Variants in GPR107 observed in about 807,000 individuals in gnomAD.
The protein encoded by GPR107 is protein GPR107.
Under a neutral mutation model 75.5 loss-of-function variants are expected in GPR107, and 31 were observed. That is an observed-to-expected ratio of 0.41 (90% CI 0.31 to 0.55). GPR107 has a LOEUF of 0.55. Ranked by LOEUF, GPR107 falls within the 20% of genes least tolerant of loss-of-function variation. The pLI, the probability that GPR107 is intolerant of heterozygous loss-of-function variation, is 0.26. For synonymous variants in GPR107, 267 were observed against 251.3 expected (o/e 1.06, Z -0.59); for missense variants, 572 against 665.7 (o/e 0.86, Z 1.55).
intron 17 of GPR107, among the ~76,000 whole-genome samples, chr9:130,131,875 C>T (rs1435592633): frequency 6.6e-6 from 1 of 152,152 alleles, no homozygotes; most frequent in Non-Finnish European, 1.5e-5. Flanking sequence ...CTCTCCCCTT[C>T]CTGTCCATCC....
intron 14 of GPR107, among the ~76,000 whole-genome samples, chr9:130,108,248 C>T (rs753152258): frequency 5.9e-5 from 9 of 152,194 alleles, no homozygotes; most frequent in Non-Finnish European, 1.0e-4. Context: ...TCCATGGTAT[C>T]GTACACCCAG....
chr9:130,069,839 C>T (rs1016267106), intron 1 of GPR107, among the ~76,000 whole-genome samples: 2 of 152,012 alleles, frequency 1.3e-5, no homozygotes, highest in Admixed American at 1.3e-4. Flanking sequence ...GCATGCACCA[C>T]CACACCCGGC....
chr9:130,119,393 CACTA>C (rs1171166351), intron 14 of GPR107, among the ~76,000 whole-genome samples: 4 of 152,200 alleles, frequency 2.6e-5, no homozygotes, highest in African/African-American at 9.6e-5. Flanking sequence ...TCCTATATGA[CACTA>C]ACACTGTCAT....
chr9:130,056,916 C>T, intron 1 of GPR107, among the ~76,000 whole-genome samples: 1 of 91,798 alleles, frequency 1.1e-5, no homozygotes, highest in African/African-American at 5.4e-5. Context: ...CAGAGCGAGA[C>T]TCCTTCTCAA....
chr9:130,081,679 A>C (rs1315231755), intron 5 of GPR107, among the ~76,000 whole-genome samples: 3 of 151,336 alleles, frequency 2.0e-5, no homozygotes, highest in South Asian at 2.1e-4. Flanking sequence ...CTCAAAAAAA[A>C]AAAAACAAAA....
Position 130,136,681 on chromosome 9 carries a change from G to A in GPR107, c.*1560G>A, listed in dbSNP as rs1554900023. 6.6e-6 allele frequency: 1 copy of A among 152,240 alleles called. No individual in the cohort carries two copies. The highest frequency in any genetic ancestry group is 1.5e-5 in the Non-Finnish European group (1 of 68,050). 9.4% of individuals were successfully genotyped at this position (152,240 alleles called of 1,614,324 possible). On this transcript the variant is annotated 3_prime_UTR_variant, in exon 18 of 18. Coordinates refer to ENST00000347136, the MANE Select transcript of GPR107 (RefSeq NM_020960.5). ...CATTCAGAACATGGTTGTTCTCCCT[G>A]TCCCATGCTATCTTATCTTCCTAAA...
chr9:130,108,463 T>C (rs1451495335), intron 14 of GPR107, among the ~76,000 whole-genome samples: 3 of 152,270 alleles, frequency 2.0e-5, no homozygotes, highest in African/African-American at 7.2e-5. Context: ...TAAGTTAAAT[T>C]AAACATGACT....
At chr9:130,122,758 C>T (rs1831577623) in intron 14 of GPR107, among the ~76,000 whole-genome samples, 1 of 152,196 alleles carries the variant, frequency 6.6e-6, no homozygotes, top group Non-Finnish European at 1.5e-5. Context: ...CGCAGTGTCT[C>T]ACACCTGTAA....
chr9:130,063,945 C>T (rs1829996598), intron 1 of GPR107, among the ~76,000 whole-genome samples: 1 of 151,512 alleles, frequency 6.6e-6, no homozygotes, highest in Admixed American at 6.6e-5. Flanking sequence ...GCTGGGACTA[C>T]AGGCATGCGG....
intron 1 of GPR107, among the ~76,000 whole-genome samples, chr9:130,057,534 A>C (rs1589475607): frequency 1.3e-5 from 2 of 151,074 alleles, no homozygotes; most frequent in African/African-American, 2.4e-5. Context: ...AAGCAAAACA[A>C]CCTTTTTATT....
Position 130,101,191 on chromosome 9 carries a change from A to G in GPR107, c.1099A>G (p.Lys367Glu), listed in dbSNP as rs1299611902. 1 of 1,589,178 alleles carries G rather than the reference A, an allele frequency of 6.3e-7. No homozygotes were observed. The highest frequency in any genetic ancestry group is 8.6e-7 in the Non-Finnish European group (1 of 1,157,190). Residue 367 changes from lysine (K) to glutamate (E), a missense_variant, in exon 12 of 18, where the codon AAA (lysine) becomes GAA (glutamate). By Grantham distance (56) the Lys-to-Glu change is moderately conservative. Transcript: ENST00000347136. ...FIKHILSDKD[K>E]KIFMIVIPLQ... Reference sequence around the variant, plus strand: ...TAAGCACATCCTTTCTGATAAAGACAAAAAGATCTTCATGATTGTCATTCC... The same window carrying G: ...TAAGCACATCCTTTCTGATAAAGACGAAAAGATCTTCATGATTGTCATTCC...
chr9:130,092,286 A>G lies in GPR107; in HGVS notation c.768A>G (p.Ser256=), dbSNP rs748009181. Residue 256 remains serine, a synonymous_variant, in exon 9 of 18, where the codon TCA becomes TCG. Transcript: ENST00000347136. The part of the protein sequence containing the change: ...ITEKNPDSYL[S]AGEIPLPKLY... The stretch of plus-strand genomic sequence containing the variant: ...AGAAGAATCCTGACAGCTACCTCTC[A>G]GCAGGAGAAATTCCTCTCCCCAAAT... 4 of 1,608,004 alleles carry G rather than the reference A, an allele frequency of 2.5e-6. No individual in the cohort carries two copies. The highest frequency in any genetic ancestry group is 1.7e-5 in the Admixed American group (1 of 60,008).
intron 17 of GPR107, among the ~76,000 whole-genome samples, chr9:130,131,885 C>G (rs1831835929): frequency 6.6e-6 from 1 of 152,094 alleles, no homozygotes; most frequent in African/African-American, 2.4e-5. Flanking sequence ...CCTGTCCATC[C>G]TTCTATTCCC....
chr9:130,080,601 C>T (rs1325365071), intron 5 of GPR107, among the ~76,000 whole-genome samples: 1 of 151,914 alleles, frequency 6.6e-6, no homozygotes, highest in Non-Finnish European at 1.5e-5. Context: ...ACGCCATTCT[C>T]CTGCCTCAGC....
chr9:130,064,722 G>T (rs971270199), intron 1 of GPR107, among the ~76,000 whole-genome samples: 1 of 152,092 alleles, frequency 6.6e-6, no homozygotes, highest in African/African-American at 2.4e-5. Context: ...GGTCATATGC[G>T]GTTAGGGTGG....
intron 1 of GPR107, among the ~76,000 whole-genome samples, chr9:130,054,276 G>A (rs1163152830): frequency 6.6e-6 from 1 of 152,224 alleles, no homozygotes; most frequent in Non-Finnish European, 1.5e-5. Context: ...GGCACGGGGC[G>A]GGAAGACTCG....
At chr9:130,061,140 G>A (rs550593149) in intron 1 of GPR107, among the ~76,000 whole-genome samples, 57 of 152,212 alleles carry the variant, frequency 3.7e-4, no homozygotes, top group African/African-American at 1.2e-3. Flanking sequence ...TTATATACCG[G>A]GTGGGCACTT....
intron 9 of GPR107, among the ~76,000 whole-genome samples, chr9:130,093,386 A>T (rs1160234769): frequency 6.6e-6 from 1 of 152,254 alleles, no homozygotes; most frequent in South Asian, 2.1e-4. Flanking sequence ...AAATGATAGT[A>T]TGCGAATATG....
At chr9:130,114,667 T>A in intron 14 of GPR107, 1 of 1,074,860 alleles carries the variant, frequency 9.3e-7, no homozygotes, top group Non-Finnish European at 1.2e-6. Context: ...ATTACAGGTG[T>A]GAGCCACTGG....
Sources: allele counts gnomAD v4.1 joint callset (sites outside exome capture counted in the v4.1 genomes callset), GRCh38; gene constraint gnomAD v4.1.1; transcripts MANE v1.5; gene names NCBI Gene and HGNC (gene_info 2026-07-23, HGNC 2026-07-21).